TSC2: variants seen among roughly 807,000 people sequenced by gnomAD.
TSC2 encodes the protein tuberin.
TSC2 carries 29 observed loss-of-function variants against 202.2 expected under a neutral mutation model. The ratio of observed to expected loss-of-function variants is 0.14; its 90% CI spans 0.11 to 0.20. The LOEUF is 0.20. Among genes scored for constraint, TSC2 ranks in the 10% least tolerant of loss-of-function variants. The pLI is 1.00. For synonymous variants in TSC2, 1,349 were observed against 1,044.0 expected (o/e 1.29, Z -5.63); for missense variants, 2,429 against 2,420.0 (o/e 1.00, Z -0.08).
intron 16 of TSC2, chr16:2,068,597 A>G (rs1404262507): frequency 1.3e-5 from 2 of 152,174 alleles, no homozygotes; most frequent in Non-Finnish European, 2.9e-5. Flanking sequence ...TTAAGATGCT[A>G]GGCATGGTGA....
chr16:2,081,629 G>T lies in TSC2; in HGVS notation c.3645G>T (p.Pro1215=), dbSNP rs758114962. ...GCTGGCTGATGAGCCTGGAGAACCC[G>T]CTCAGCCCTTTCTCCTCGGACATCA... The part of the protein sequence containing the change: ...NTSWLMSLEN[P]LSPFSSDINN... Residue 1215 remains proline (P), a synonymous_variant, in exon 31 of 42, where the codon CCG becomes CCT. Coordinates refer to ENST00000219476, the MANE Select transcript of TSC2 (RefSeq NM_000548.5). The T allele has an allele frequency of 2.5e-6, 4 of 1,612,790 alleles. No individual in the cohort carries two copies. Among genetic ancestry groups the T allele is most frequent in the East Asian group, 4.5e-5 (2 of 44,898 alleles).
At position 2,079,017 on chromosome 16, in the gene TSC2, G is replaced by C; in HGVS notation, c.2967-15G>C. On this transcript the variant is annotated splice_polypyrimidine_tract_variant and intron_variant, in intron 26 of 41. Transcript: ENST00000219476. This position sits in a 1 kb window ranked among gnomAD's most constrained non-coding sequence, Gnocchi z 4.6. Reference sequence around the variant, plus strand: ...TACCTGGCACCCTGACCCTGGTCACGGCCTCTCCCTCCAGCAGGATACAGA... The same window carrying C: ...TACCTGGCACCCTGACCCTGGTCACCGCCTCTCCCTCCAGCAGGATACAGA... The C allele has an allele frequency of 6.2e-7, 1 of 1,612,186 alleles. No individual in the cohort carries two copies. Among genetic ancestry groups the C allele is most frequent in the South Asian group, 1.1e-5 (1 of 91,078 alleles).
chr16:2,080,746 A>C (rs542527883), intron 30 of TSC2: 3 of 270,814 alleles, frequency 1.1e-5, no homozygotes, highest in African/African-American at 2.2e-5. Context: ...GGCCTCCCAA[A>C]GTGCTGGGAT....
chr16:2,079,522 C>T lies in TSC2; in HGVS notation c.3285-35C>T, dbSNP rs748723491. 14 of 1,605,596 alleles carry T rather than the reference C, an allele frequency of 8.7e-6. No homozygotes were observed. The Middle Eastern group carries it at 4.9e-4, about 57-fold the overall frequency. On this transcript the variant is annotated intron_variant, in intron 28 of 41. Transcript: ENST00000219476. The surrounding 1 kb of genome is among the most constrained non-coding windows in gnomAD (Gnocchi z 4.6). ...TGGCACCCTCGTACCAGCCTGGGGA[C>T]TAAGTCCACCCTGTGCGTGGGATTC...
At chr16:2,077,376 C>A (rs921269086) in intron 25 of TSC2, 29 of 650,936 alleles carry the variant, frequency 4.5e-5, no homozygotes, top group African/African-American at 4.1e-4. Flanking sequence ...CTTACTTGTT[C>A]TCAGTCATGT....
At chr16:2,052,832 C>T (rs947611763) in intron 3 of TSC2, among the ~76,000 whole-genome samples, 2 of 152,140 alleles carry the variant, frequency 1.3e-5, no homozygotes, top group Non-Finnish European at 2.9e-5. Context: ...GGCCACGCAG[C>T]GCTCTTTCTC....
Position 2,081,659 on chromosome 16 carries a change from C to T in TSC2, c.3675C>T (p.Asn1225=), listed in dbSNP as rs1483188996. ...PLSPFSSDIN[N]MPLQELSNAL... ...GCCCTTTCTCCTCGGACATCAACAA[C>T]ATGCCCCTGCAGGAGCTGTCTAACG... The change falls in exon 31 of 42, where the codon AAC becomes AAT. Residue 1225 remains asparagine (N), a synonymous_variant. Coordinates refer to ENST00000219476, the MANE Select transcript of TSC2 (RefSeq NM_000548.5). The T allele has an allele frequency of 1.2e-6, 2 of 1,612,858 alleles. No homozygotes were observed. The highest frequency in any genetic ancestry group is 1.7e-6 in the Non-Finnish European group (2 of 1,180,026).
intron 6 of TSC2, 53 bp from the exon 7 acceptor site, chr16:2,056,143 T>C: frequency 6.2e-7 from 1 of 1,610,016 alleles, no homozygotes; most frequent in Non-Finnish European, 8.5e-7. Context: ...CAGCCCGTGG[T>C]GGCTCGGCCA....
rs2151529873 is a variant in TSC2, at chr16:2,084,481, C to T, written c.4259C>T (p.Ser1420Leu). 1.2e-6 allele frequency: 2 copies of T among 1,609,392 alleles called. No individual in the cohort carries two copies. Among genetic ancestry groups the T allele is most frequent in the African/African-American group, 1.3e-5 (1 of 74,958 alleles). ...CCTGAGGTTAAGGCCCGGTCACAGT[C>T]AGGGACCCTGGACGGGGAAAGTGCT... Reference protein sequence around the residue: ...LSPEVKARSQSGTLDGESAAW... With the variant: ...LSPEVKARSQLGTLDGESAAW... The change falls in exon 34 of 42, where the codon TCA (serine) becomes TTA (leucine). Residue 1420 changes from serine to leucine, a missense_variant. Physicochemically the swap from Ser to Leu is moderately radical, Grantham distance 145. Coordinates refer to ENST00000219476, the MANE Select transcript of TSC2 (RefSeq NM_000548.5).
rs554009180 is a variant in TSC2 at position 2,051,403 on chromosome 16, A to T, written c.225+917A>T. 1.7e-4 allele frequency among the ~76,000 whole-genome samples: 26 copies of T among 152,156 alleles called. No individual in the cohort carries two copies. The East Asian group carries it at 4.6e-3, about 27-fold the overall frequency. Reference sequence around the variant, plus strand: ...TCTCCTGTTACAAGTTCAGGCCAAGAAAAATCAAGAAAGGGTTTGTTCCAC... The same window carrying T: ...TCTCCTGTTACAAGTTCAGGCCAAGTAAAATCAAGAAAGGGTTTGTTCCAC... On this transcript the variant is annotated intron_variant, in intron 3 of 41. Transcript: ENST00000219476.
chr16:2,085,406 C>T lies in TSC2; in HGVS notation c.4662+84C>T, dbSNP rs1165630443. The T allele has an allele frequency of 7.6e-5, 109 of 1,425,728 alleles. No individual in the cohort carries two copies. The South Asian group carries it at 1.0e-3, about 13-fold the overall frequency. The allele number at this position is 1,425,728 out of a possible 1,614,324, so 88.3% of individuals were successfully genotyped here. A position where few individuals can be genotyped will look rare whatever the true frequency, so the allele number is the denominator to read the frequency against. Reference sequence around the variant, plus strand: ...GTGGGTAGGGAGTCTGGGCCCCCAACGCCCCACAGAGCTCAACACTGCCGG... The same window carrying T: ...GTGGGTAGGGAGTCTGGGCCCCCAATGCCCCACAGAGCTCAACACTGCCGG... On this transcript the variant is annotated intron_variant, in intron 36 of 41. Coordinates refer to ENST00000219476, the MANE Select transcript of TSC2 (RefSeq NM_000548.5).
Position 2,048,570 on chromosome 16 carries a change from C to T in TSC2, c.-29-17C>T, listed in dbSNP as rs201044312. Reference sequence around the variant, plus strand: ...AGGTGTTGCTCAGATGTCCCCATTCCTGTTTCGTTTGCACAGAGGGGTTTT... The same window carrying T: ...AGGTGTTGCTCAGATGTCCCCATTCTTGTTTCGTTTGCACAGAGGGGTTTT... On this transcript the variant is annotated splice_polypyrimidine_tract_variant and intron_variant, in intron 1 of 41. Transcript: ENST00000219476. The T allele has an allele frequency of 2.3e-5, 37 of 1,613,410 alleles. No individual in the cohort carries two copies. Among genetic ancestry groups the T allele is most frequent in the Admixed American group, 2.0e-4 (12 of 60,002 alleles).
Position 2,085,026 on chromosome 16 carries a change from G to A in TSC2, c.4569G>A (p.Glu1523=), listed in dbSNP as rs945456651. The part of the protein sequence containing the change: ...ESNKPILLPN[E]SQSFERSVQL... Reference sequence around the variant, plus strand: ...ACAAGCCAATCCTGCTGCCCAATGAGGTAGGCGTGGCCTCCCTCTCCTGCA... The same window carrying A: ...ACAAGCCAATCCTGCTGCCCAATGAAGTAGGCGTGGCCTCCCTCTCCTGCA... The change falls in exon 35 of 42, where the codon GAG becomes GAA. Residue 1523 remains glutamate (E), a splice_region_variant and synonymous_variant. Transcript: ENST00000219476. The A allele has an allele frequency of 1.9e-6, 3 of 1,613,282 alleles. No homozygotes were observed. The highest frequency in any genetic ancestry group is 2.5e-6 in the Non-Finnish European group (3 of 1,179,988).
At chr16:2,080,688 G>A (rs540060299) in intron 30 of TSC2, 20 of 370,166 alleles carry the variant, frequency 5.4e-5, no homozygotes, top group East Asian at 1.8e-4. Context: ...GTTTCACTGT[G>A]TTAGCCAGGA....
At chr16:2,088,161 C>T (rs748655720) in intron 40 of TSC2, 22 bp downstream of exon 40, 42 of 1,612,880 alleles carry the variant, frequency 2.6e-5, no homozygotes, top group African/African-American at 1.2e-4. Flanking sequence ...TGGGTCCAGG[C>T]GTGAGCTGGT....
intron 13 of TSC2, 173 bp from the exon 14 acceptor site, chr16:2,062,799 C>T: frequency 1.1e-6 from 1 of 907,084 alleles, no homozygotes; most frequent in South Asian, 1.5e-5. Context: ...CCACTGGGCT[C>T]CCTCTTTTCG....
In TSC2 at chr16:2,067,277, G is replaced by A. The variant is rs565971584; in HGVS notation, c.1716+1642G>A. The stretch of plus-strand genomic sequence containing the variant: ...GTGACCAAGTGATCGTCCTGCCTCG[G>A]AGGCCTCCCAAGTAGCTGGGACCAT... On this transcript the variant is annotated intron_variant, in intron 16 of 41. Coordinates refer to ENST00000219476, the MANE Select transcript of TSC2 (RefSeq NM_000548.5). 1.5e-3 allele frequency among the ~76,000 whole-genome samples: 226 copies of A among 152,038 alleles called. 1 individual carries two copies. Among genetic ancestry groups the A allele is most frequent in the African/African-American group, 5.1e-3 (213 of 41,502 alleles).
At position 2,050,506 on chromosome 16, in the gene TSC2, C is replaced by G. The variant is rs747834120; in HGVS notation, c.225+20C>G. The stretch of plus-strand genomic sequence containing the variant: ...GAAGAGGTAGGTTTATCCAGTTGAG[C>G]TACTAGAGAGAGGCACGTAGACTAT... On this transcript the variant is annotated intron_variant, in intron 3 of 41. Coordinates refer to ENST00000219476, the MANE Select transcript of TSC2 (RefSeq NM_000548.5). 2.5e-6 allele frequency: 4 copies of G among 1,609,834 alleles called. No homozygotes were observed. Among genetic ancestry groups the G allele is most frequent in the Admixed American group, 1.7e-5 (1 of 59,922 alleles).
chr16:2,069,543 G>A (rs995416715), intron 16 of TSC2, among the ~76,000 whole-genome samples: 12 of 149,970 alleles, frequency 8.0e-5, no homozygotes, highest in Non-Finnish European at 1.6e-4. Flanking sequence ...GCAGTGGCAC[G>A]ATCTCGGCTC....
Sources: allele counts gnomAD v4.1 joint callset (sites outside exome capture counted in the v4.1 genomes callset), GRCh38; gene constraint gnomAD v4.1.1; non-coding constraint Gnocchi (gnomAD v3.1); transcripts MANE v1.5; gene names NCBI Gene and HGNC (gene_info 2026-07-23, HGNC 2026-07-21).